The following CACNB2 variants were observed in gnomAD, a reference collection of about 807,000 sequenced individuals.
CACNB2 encodes the protein voltage-dependent L-type calcium channel subunit beta-2.
CACNB2 carries 42 observed loss-of-function variants against 73.3 expected under a neutral mutation model. The observed-to-expected ratio is 0.57, with a 90% CI of 0.45 to 0.74. The LOEUF (loss-of-function observed/expected upper bound fraction) is 0.74. Among genes scored for constraint, CACNB2 ranks in the 30% least tolerant of loss-of-function variants. The pLI is 0.00. For missense variants in CACNB2, 940 were observed against 853.0 expected, an observed-to-expected ratio of 1.10 and a Z score of -1.27; for synonymous variants, 348 against 310.3, an observed-to-expected ratio of 1.12 and a Z score of -1.28.
chr10:18,375,640 G>A (rs1266811714), intron 2 of CACNB2, among the ~76,000 whole-genome samples: 1 of 152,198 alleles, frequency 6.6e-6, no homozygotes, highest in East Asian at 1.9e-4. Flanking sequence ...TTGGGGTTGT[G>A]CAGGAGCCCA....
chr10:18,418,588 C>G (rs1444437527), intron 3 of CACNB2, among the ~76,000 whole-genome samples: 1 of 152,122 alleles, frequency 6.6e-6, no homozygotes, highest in Non-Finnish European at 1.5e-5. Flanking sequence ...TTGGCCAATC[C>G]CAGCGGCCGT....
chr10:18,439,251 G>A (rs1433225637), intron 3 of CACNB2, among the ~76,000 whole-genome samples: 1 of 152,208 alleles, frequency 6.6e-6, no homozygotes, highest in Admixed American at 6.5e-5. Context: ...GGAAGAATAT[G>A]CGGAAGCTAA....
chr10:18,288,061 C>G (rs1465750001), intron 2 of CACNB2, among the ~76,000 whole-genome samples: 1 of 152,134 alleles, frequency 6.6e-6, no homozygotes, highest in Non-Finnish European at 1.5e-5. Flanking sequence ...GTCTCTGTGT[C>G]CAACTTTCCT....
At chr10:18,465,496 G>A (rs1237679591) in intron 3 of CACNB2, among the ~76,000 whole-genome samples, 7 of 152,112 alleles carry the variant, frequency 4.6e-5, no homozygotes, top group South Asian at 4.2e-4. Flanking sequence ...CGCAGGTTGA[G>A]TTTTTGGAGC....
At chr10:18,187,946 C>T (rs1239429407) in intron 2 of CACNB2, among the ~76,000 whole-genome samples, 2 of 152,010 alleles carry the variant, frequency 1.3e-5, no homozygotes, top group South Asian at 2.1e-4. Context: ...GTGGTGGTGG[C>T]GAACAAGGCT....
At chr10:18,455,670 T>A (rs2047242276) in intron 3 of CACNB2, among the ~76,000 whole-genome samples, 1 of 152,234 alleles carries the variant, frequency 6.6e-6, no homozygotes. Context: ...TCAGGAATTT[T>A]AAGAAGGTTA....
intron 2 of CACNB2, among the ~76,000 whole-genome samples, chr10:18,286,111 A>G (rs936959198): frequency 7.2e-5 from 11 of 152,248 alleles, no homozygotes; most frequent in Non-Finnish European, 1.3e-4. Context: ...ACCAATAAAC[A>G]TAATCATTTT....
chr10:18,539,345 C>T lies in CACNB2; in HGVS notation c.1604C>T (p.Ser535Leu), dbSNP rs121917812. The part of the protein sequence containing the change: ...VKKSQHRSSS[S>L]APHHNHRSGT... ...AAATCCCAGCACCGCTCTTCCTCCT[C>T]AGCCCCACACCACAACCATCGCAGT... The change falls in exon 14 of 14, where the codon TCA (serine) becomes TTA (leucine). Residue 535 changes from serine to leucine, a missense_variant. Ser to Leu is a moderately radical substitution (Grantham distance 145). Transcript: ENST00000324631. 1.2e-6 allele frequency: 2 copies of T among 1,614,164 alleles called. No homozygotes were observed.
chr10:18,453,705 C>T (rs1381546175), intron 3 of CACNB2, among the ~76,000 whole-genome samples: 1 of 152,218 alleles, frequency 6.6e-6, no homozygotes, highest in African/African-American at 2.4e-5. Flanking sequence ...TCTCGGCTGG[C>T]TGCAACCTCT....
At chr10:18,450,186 G>A (rs2046948508) in intron 3 of CACNB2, among the ~76,000 whole-genome samples, 1 of 152,280 alleles carries the variant, frequency 6.6e-6, no homozygotes, top group Middle Eastern at 3.4e-3. Context: ...AAATGCCTGT[G>A]TGTTGTATTT....
chr10:18,429,725 C>T lies in CACNB2; in HGVS notation c.333+27682C>T, dbSNP rs148523188. 7.5e-5 allele frequency among the ~76,000 whole-genome samples: 10 copies of T among 132,944 alleles called. No homozygotes were observed. The East Asian group carries it at 2.3e-3, about 31-fold the overall frequency. 87.2% of individuals were successfully genotyped at this position (132,944 alleles called of 152,430 possible). ...ATGTTGTACACCTGTATCCCAGGTA[C>T]TCAGGAAGCTGGGGTGGGAGGATCA... On this transcript the variant is annotated intron_variant, in intron 3 of 13. Transcript: ENST00000324631.
intron 2 of CACNB2, among the ~76,000 whole-genome samples, chr10:18,371,199 T>A (rs1487747782): frequency 7.2e-6 from 1 of 138,560 alleles, no homozygotes; most frequent in East Asian, 3.1e-4. Flanking sequence ...AAGTTTACTG[T>A]TTTTATTTTG....
chr10:18,405,829 A>T (rs932283489), intron 3 of CACNB2, among the ~76,000 whole-genome samples: 1 of 152,142 alleles, frequency 6.6e-6, no homozygotes, highest in Admixed American at 6.5e-5. Context: ...TTGGTGGTGT[A>T]TGCCTGTAAT....
At chr10:18,199,466 G>A (rs2034777910) in intron 2 of CACNB2, among the ~76,000 whole-genome samples, 1 of 152,078 alleles carries the variant, frequency 6.6e-6, no homozygotes, top group South Asian at 2.1e-4. Context: ...GATGACATGG[G>A]GCAGATGGAA....
At chr10:18,402,718 C>T (rs1251823858) in intron 3 of CACNB2, among the ~76,000 whole-genome samples, 1 of 152,188 alleles carries the variant, frequency 6.6e-6, no homozygotes, top group Non-Finnish European at 1.5e-5. Context: ...TTCTTTCTCC[C>T]ATGCTGTCCT....
chr10:18,150,461 C>T (rs976483931), intron 1 of CACNB2, among the ~76,000 whole-genome samples: 2 of 152,154 alleles, frequency 1.3e-5, no homozygotes, highest in African/African-American at 4.8e-5. Flanking sequence ...GTTGGGAGTT[C>T]GAGACCACCC....
In CACNB2 at chr10:18,194,304, A is replaced by G. The variant is rs996830709; in HGVS notation, c.213+43329A>G. On this transcript the variant is annotated intron_variant, in intron 2 of 13. Transcript: ENST00000324631. ...TGAAAATTAGGCCCCTAGGGCTGTC[A>G]GCAACTCCAGGCCCCCCAGCTGAAG... Among the ~76,000 whole-genome samples the G allele has an allele frequency of 2.6e-5, 4 of 152,292 alleles. No individual in the cohort carries two copies. In the East Asian group the frequency reaches 7.7e-4, roughly 29 times the overall value.
chr10:18,259,746 A>G, intron 2 of CACNB2, among the ~76,000 whole-genome samples: 1 of 150,806 alleles, frequency 6.6e-6, no homozygotes, highest in Non-Finnish European at 1.5e-5. Context: ...AAAAAAAAAA[A>G]AAAAAAATTA....
chr10:18,508,426 AG>A (rs1475498425), intron 6 of CACNB2, among the ~76,000 whole-genome samples: 9 of 152,174 alleles, frequency 5.9e-5, no homozygotes, highest in Non-Finnish European at 1.3e-4. Context: ...GTGAAGTTGC[AG>A]GGATTCCTAT....
Sources: gnomAD v4.1 joint callset for allele counts (sites outside exome capture counted in the v4.1 genomes callset) on GRCh38, gnomAD v4.1.1 for gene constraint, MANE v1.5 for transcripts, NCBI Gene and HGNC (gene_info 2026-07-23, HGNC 2026-07-21) for gene names.